DPP10: variants seen among roughly 807,000 people sequenced by gnomAD.
DPP10 encodes the protein inactive dipeptidyl peptidase 10.
In DPP10, 33 loss-of-function variants were observed where a neutral mutation model predicts 120.9. The ratio of observed to expected loss-of-function variants is 0.27; its 90% CI spans 0.21 to 0.37. The LOEUF (loss-of-function observed/expected upper bound fraction) is 0.37. Ranked by LOEUF, DPP10 falls within the 10% of genes least tolerant of loss-of-function variation. DPP10 has a pLI of 1.00. For missense variants in DPP10, 816 were observed against 942.8 expected (o/e 0.87, Z 1.76); for synonymous variants, 337 against 326.1 (o/e 1.03, Z -0.36).
chr2:115,506,558 A>G (rs2076951599), intron 4 of DPP10, among the ~76,000 whole-genome samples: 2 of 152,122 alleles, frequency 1.3e-5, no homozygotes, highest in African/African-American at 4.8e-5. Flanking sequence ...TGTGAAAATA[A>G]ATAATGATCC....
chr2:114,932,993 C>A (rs765101391), intron 1 of DPP10, among the ~76,000 whole-genome samples: 2 of 152,068 alleles, frequency 1.3e-5, no homozygotes, highest in Non-Finnish European at 2.9e-5. Context: ...GGAGAAAGAG[C>A]AGAATAGTTA....
chr2:115,815,043 A>G (rs1054965019), intron 20 of DPP10, 56 bp downstream of exon 20: 16 of 1,477,620 alleles, frequency 1.1e-5, no homozygotes, highest in South Asian at 1.5e-5. Context: ...GTCTTGGTAT[A>G]TGACATATAA....
intron 2 of DPP10, among the ~76,000 whole-genome samples, chr2:115,322,860 T>C (rs551103048): frequency 6.6e-6 from 1 of 152,286 alleles, no homozygotes; most frequent in East Asian, 1.9e-4. Context: ...AGACCTTAAA[T>C]AAAAACTGCT....
chr2:115,774,924 A>G (rs916674527), intron 13 of DPP10, among the ~76,000 whole-genome samples: 1 of 152,116 alleles, frequency 6.6e-6, no homozygotes, highest in Non-Finnish European at 1.5e-5. Context: ...AATGCATTGA[A>G]AGCATTACTC....
intron 1 of DPP10, among the ~76,000 whole-genome samples, chr2:115,013,049 T>C (rs1387591463): frequency 1.3e-5 from 2 of 152,220 alleles, no homozygotes; most frequent in African/African-American, 2.4e-5. Flanking sequence ...TGATGCTGCC[T>C]GGTTATTTTG....
chr2:114,888,696 T>A (rs1438186998), intron 1 of DPP10, among the ~76,000 whole-genome samples: 11 of 152,208 alleles, frequency 7.2e-5, no homozygotes, highest in Non-Finnish European at 4.4e-5. Context: ...TAAAGTGTTT[T>A]ATTCTGTAAT....
chr2:114,684,809 G>A lies in DPP10; in HGVS notation c.60+241971G>A, dbSNP rs13387351. ...CTCTTCCATTGTGAGATACTGTACA[G>A]CACCTTCGATTCATGTGCGTAGGTC... On this transcript the variant is annotated intron_variant, in intron 1 of 25. Transcript: ENST00000410059. Among the ~76,000 whole-genome samples the A allele has an allele frequency of 8.6e-3, 1,308 of 152,086 alleles. 18 individuals are homozygous for A. Among genetic ancestry groups the A allele is most frequent in the African/African-American group, 0.03 (1,234 of 41,526 alleles).
intron 13 of DPP10, among the ~76,000 whole-genome samples, chr2:115,769,675 T>A (rs938287422): frequency 6.6e-6 from 1 of 151,992 alleles, no homozygotes; most frequent in Non-Finnish European, 1.5e-5. Context: ...ATATATGCAT[T>A]TATAGATGAA....
At chr2:115,655,562 A>G (rs937974898) in intron 5 of DPP10, among the ~76,000 whole-genome samples, 2 of 151,582 alleles carry the variant, frequency 1.3e-5, no homozygotes, top group Non-Finnish European at 3.0e-5. Flanking sequence ...CCTACTCAAT[A>G]TTAGCTCTAT....
intron 1 of DPP10, among the ~76,000 whole-genome samples, chr2:115,089,188 A>G (rs1462419156): frequency 1.3e-5 from 2 of 152,084 alleles, no homozygotes; most frequent in African/African-American, 2.4e-5. Context: ...GTTTTTCTGA[A>G]CATACCTAGA....
intron 7 of DPP10, among the ~76,000 whole-genome samples, chr2:115,724,226 A>G (rs1315127430): frequency 2.6e-5 from 4 of 152,192 alleles, no homozygotes; most frequent in Admixed American, 2.0e-4. Context: ...TTCTTGCCAC[A>G]TGTTCATCAC....
intron 1 of DPP10, among the ~76,000 whole-genome samples, chr2:115,118,429 T>C (rs1222591531): frequency 6.6e-6 from 1 of 152,190 alleles, no homozygotes; most frequent in Admixed American, 6.5e-5. Context: ...TTTTGTAAGA[T>C]GAAGATAATA....
chr2:114,471,528 C>CCCAT (rs1463968180), intron 1 of DPP10, among the ~76,000 whole-genome samples: 2 of 152,036 alleles, frequency 1.3e-5, no homozygotes, highest in African/African-American at 4.8e-5. Flanking sequence ...TAGAAATAAA[C>CCCAT]AGGAATGCTA....
At chr2:115,442,181 A>G (rs2072131989) in intron 3 of DPP10, among the ~76,000 whole-genome samples, 1 of 151,766 alleles carries the variant, frequency 6.6e-6, no homozygotes, top group Non-Finnish European at 1.5e-5. Flanking sequence ...GTACTCTGTT[A>G]AGGTCCTAGA....
chr2:115,497,071 A>G (rs187364049), intron 3 of DPP10, among the ~76,000 whole-genome samples: 1 of 152,100 alleles, frequency 6.6e-6, no homozygotes, highest in Non-Finnish European at 1.5e-5. Context: ...CTACAACAGT[A>G]CTATCATCTA....
At chr2:115,456,786 G>A (rs944940082) in intron 3 of DPP10, among the ~76,000 whole-genome samples, 2 of 151,940 alleles carry the variant, frequency 1.3e-5, no homozygotes, top group Non-Finnish European at 2.9e-5. Flanking sequence ...ACAGTAAGGG[G>A]AACATCATAC....
chr2:115,749,979 C>G, intron 10 of DPP10: 1 of 985,338 alleles, frequency 1.0e-6, no homozygotes, highest in Non-Finnish European at 1.2e-6. Context: ...TAGCTTGTCT[C>G]TGTCTCTGTG....
intron 3 of DPP10, among the ~76,000 whole-genome samples, chr2:115,396,054 C>T (rs1323767042): frequency 6.6e-6 from 1 of 152,034 alleles, no homozygotes; most frequent in Non-Finnish European, 1.5e-5. Flanking sequence ...ACTTTATAAC[C>T]CTCTAGACTG....
At chr2:115,565,145 G>T (rs1019780466) in intron 5 of DPP10, among the ~76,000 whole-genome samples, 11 of 152,210 alleles carry the variant, frequency 7.2e-5, no homozygotes, top group African/African-American at 2.2e-4. Context: ...GTAAGTATGT[G>T]TGTATATATG....
Sources: gnomAD v4.1 joint callset for allele counts (sites outside exome capture counted in the v4.1 genomes callset) on GRCh38, gnomAD v4.1.1 for gene constraint, MANE v1.5 for transcripts, NCBI Gene and HGNC (gene_info 2026-07-23, HGNC 2026-07-21) for gene names.